The following KIAA2012 variants were observed in gnomAD, a reference collection of about 807,000 sequenced individuals.
KIAA2012 encodes the protein uncharacterized protein KIAA2012.
KIAA2012 carries 125 observed loss-of-function variants against 150.6 expected under a neutral mutation model. That is an observed-to-expected ratio of 0.83 (90% CI 0.72 to 0.96). KIAA2012 has a LOEUF of 0.96. Among genes scored for constraint, KIAA2012 ranks in the 40% least tolerant of loss-of-function variants. The pLI, the probability that KIAA2012 is intolerant of heterozygous loss-of-function variation, is 0.00. For synonymous variants in KIAA2012, 462 were observed against 504.7 expected, an observed-to-expected ratio of 0.92 and a Z score of 1.13; for missense variants, 1,219 against 1,354.9, an observed-to-expected ratio of 0.90 and a Z score of 1.57.
At chr2:202,190,991 CT>C (rs1692318542) in intron 19 of KIAA2012, among the ~76,000 whole-genome samples, 1 of 151,994 alleles carries the variant, frequency 6.6e-6, no homozygotes, top group African/African-American at 2.4e-5. Flanking sequence ...TTACAAGATG[CT>C]TTTGGGCCGG....
chr2:202,180,030 G>T, intron 15 of KIAA2012: 1 of 454,286 alleles, frequency 2.2e-6, no homozygotes, highest in South Asian at 1.8e-5. Flanking sequence ...TCAGCACTTT[G>T]GGAGGCTAAG....
intron 22 of KIAA2012, 22 bp downstream of exon 22, chr2:202,197,041 G>T (rs1460362648): frequency 6.5e-7 from 1 of 1,550,374 alleles, no homozygotes; most frequent in East Asian, 2.4e-5. Flanking sequence ...TTGGGCAACA[G>T]TTGCCATAGG....
intron 15 of KIAA2012, among the ~76,000 whole-genome samples, chr2:202,173,120 C>G (rs1475612917): frequency 6.6e-6 from 1 of 152,166 alleles, no homozygotes; most frequent in African/African-American, 2.4e-5. Context: ...GGGGAAGTCC[C>G]CCGGGAAGTC....
At chr2:202,156,041 A>C (rs1172398051) in intron 14 of KIAA2012, among the ~76,000 whole-genome samples, 1 of 152,160 alleles carries the variant, frequency 6.6e-6, no homozygotes, top group African/African-American at 2.4e-5. Context: ...TGTCTGACAG[A>C]GGAAAATGGG....
rs373732378 is a variant in KIAA2012, at chr2:202,180,105, C to G, written c.2120-4648C>G. 23 of 350,880 alleles carry G rather than the reference C, an allele frequency of 6.6e-5. 1 individual carries two copies. Among genetic ancestry groups the G allele is most frequent in the Admixed American group, 4.3e-4 (11 of 25,560 alleles). 21.7% of individuals were successfully genotyped at this position (350,880 alleles called of 1,614,324 possible). ...TGACCAACATGGAGAAACCCCATCT[C>G]TATTAAAAATACAAAATTAGCCGGG... On this transcript the variant is annotated intron_variant, in intron 15 of 23. Transcript: ENST00000498697.
chr2:202,145,040 G>A (rs569428422), intron 13 of KIAA2012, among the ~76,000 whole-genome samples: 2 of 151,288 alleles, frequency 1.3e-5, no homozygotes, highest in Admixed American at 6.6e-5. Context: ...GTGCAGACTC[G>A]GGGATGTCAC....
At chr2:202,186,751 A>G (rs139178938) in intron 16 of KIAA2012, among the ~76,000 whole-genome samples, 182 bp from the exon 17 acceptor site, 1 of 152,342 alleles carries the variant, frequency 6.6e-6, no homozygotes, top group African/African-American at 2.4e-5. Context: ...CCCTAAAGTG[A>G]AGACCAATCT....
Position 202,113,333 on chromosome 2 carries a change from A to G in KIAA2012, c.1652-3A>G, listed in dbSNP as rs1055479566. 8.4e-6 allele frequency: 13 copies of G among 1,549,498 alleles called. No homozygotes were observed. The African/African-American group carries it at 1.6e-4, about 20-fold the overall frequency. On this transcript the variant is annotated splice_region_variant and splice_polypyrimidine_tract_variant and intron_variant, in intron 10 of 23. Coordinates refer to ENST00000498697, the MANE Select transcript of KIAA2012 (RefSeq NM_001277372.4). ...ACTGCCTATGCTTGTGCTTATTTTC[A>G]AGAAGATTCCAGCGACCCTACACTG...
Position 202,105,877 on chromosome 2 carries a change from G to T in KIAA2012, c.1441G>T (p.Val481Leu). The T allele has an allele frequency of 6.4e-7, 1 of 1,550,914 alleles. No homozygotes were observed. The change falls in exon 9 of 24, where the codon GTG (valine) becomes TTG (leucine). Residue 481 changes from valine (V) to leucine (L), a missense_variant. Val to Leu is a conservative substitution (Grantham distance 32). Coordinates refer to ENST00000498697, the MANE Select transcript of KIAA2012 (RefSeq NM_001277372.4). ...TPWELTVHLPVDASRDTLSPQ... is the reference protein window; with the variant it reads ...TPWELTVHLPLDASRDTLSPQ... ...ATGGGAGTTAACAGTGCATCTCCCA[G>T]TGGACGCGAGCAGGGACACACTCTC...
chr2:202,182,247 G>T (rs889116275), intron 15 of KIAA2012, among the ~76,000 whole-genome samples: 1 of 151,570 alleles, frequency 6.6e-6, no homozygotes, highest in Non-Finnish European at 1.5e-5. Context: ...GAGTAGCTGG[G>T]ATTACAGGCT....
chr2:202,194,731 C>G (rs1317493), intron 21 of KIAA2012, among the ~76,000 whole-genome samples: 61,659 of 151,860 alleles, frequency 0.41, 12,656 homozygotes, highest in East Asian at 0.58. Flanking sequence ...ATCTTGCCAG[C>G]CTCTTTTTAA....
intron 7 of KIAA2012, among the ~76,000 whole-genome samples, chr2:202,102,484 T>C (rs1464490166): frequency 6.6e-6 from 1 of 152,210 alleles, no homozygotes; most frequent in Non-Finnish European, 1.5e-5. Flanking sequence ...GAAGAAATTG[T>C]AGCTTGGCTT....
At chr2:202,136,475 G>C (rs1462269416) in intron 12 of KIAA2012, 2 of 152,458 alleles carry the variant, frequency 1.3e-5, no homozygotes, top group Non-Finnish European at 2.9e-5. Flanking sequence ...CAATCCTTTA[G>C]CTAGACAGAA....
intron 11 of KIAA2012, among the ~76,000 whole-genome samples, chr2:202,118,288 C>G (rs535414849): frequency 1.3e-5 from 2 of 152,240 alleles, no homozygotes; most frequent in Admixed American, 1.3e-4. Flanking sequence ...CTAGTGATCT[C>G]TGGTCAAATG....
At chr2:202,098,941 G>T (rs960081432) in intron 5 of KIAA2012, among the ~76,000 whole-genome samples, 1 of 151,030 alleles carries the variant, frequency 6.6e-6, no homozygotes, top group African/African-American at 2.4e-5. Context: ...GAGGAAAGGG[G>T]GAGAAGAGCC....
chr2:202,080,437 T>C (rs1164565808), intron 2 of KIAA2012, among the ~76,000 whole-genome samples: 2 of 152,182 alleles, frequency 1.3e-5, no homozygotes, highest in Non-Finnish European at 2.9e-5. Context: ...CACACGCCTG[T>C]AATACCAACA....
chr2:202,169,580 C>T (rs1002806155), intron 15 of KIAA2012, among the ~76,000 whole-genome samples: 1 of 152,164 alleles, frequency 6.6e-6, no homozygotes, highest in Non-Finnish European at 1.5e-5. Flanking sequence ...TGGTCTAATT[C>T]GTGGCTAGTG....
At chr2:202,158,082 C>G (rs1056479908) in intron 14 of KIAA2012, among the ~76,000 whole-genome samples, 10 of 152,112 alleles carry the variant, frequency 6.6e-5, no homozygotes, top group African/African-American at 2.2e-4. Flanking sequence ...GCAAGCTCCC[C>G]CTCCTGGGTT....
At chr2:202,186,838 G>T (rs986799704) in intron 16 of KIAA2012, 95 bp from the exon 17 acceptor site, 14 of 1,245,030 alleles carry the variant, frequency 1.1e-5, no homozygotes, top group Middle Eastern at 4.1e-4. Context: ...CACAGTGCCT[G>T]CAGAGAACAG....
Sources: gnomAD v4.1 joint callset for allele counts (sites outside exome capture counted in the v4.1 genomes callset) on GRCh38, gnomAD v4.1.1 for gene constraint, MANE v1.5 for transcripts, NCBI Gene and HGNC (gene_info 2026-07-23, HGNC 2026-07-21) for gene names.